The following MARCHF1 variants were observed in gnomAD, a reference collection of about 807,000 sequenced individuals.
MARCHF1 encodes the protein E3 ubiquitin-protein ligase MARCHF1.
Under a neutral mutation model 54.2 loss-of-function variants are expected in MARCHF1, and 40 were observed. That is an observed-to-expected ratio of 0.74 (90% CI 0.57 to 0.96). The LOEUF is 0.96. Among genes scored for constraint, MARCHF1 ranks in the 40% least tolerant of loss-of-function variants. The pLI, the probability that MARCHF1 is intolerant of heterozygous loss-of-function variation, is 0.00. For synonymous variants in MARCHF1, 236 were observed against 236.3 expected (o/e 1.00, Z 0.01); for missense variants, 586 against 656.5 (o/e 0.89, Z 1.17).
At chr4:164,082,677 CA>C (rs60378434) in intron 2 of MARCHF1, among the ~76,000 whole-genome samples, 2 of 151,438 alleles carry the variant, frequency 1.3e-5, no homozygotes, top group African/African-American at 4.9e-5. Context: ...AGAGAAATGG[CA>C]AAAAAAAGTA....
intron 3 of MARCHF1, among the ~76,000 whole-genome samples, chr4:163,880,709 G>T (rs1750395921): frequency 6.6e-6 from 1 of 151,940 alleles, no homozygotes; most frequent in African/African-American, 2.4e-5. Flanking sequence ...GATATTAACA[G>T]CAGTAATTAA....
intron 5 of MARCHF1, among the ~76,000 whole-genome samples, chr4:163,653,257 C>G (rs7674068): frequency 0.35 from 53,475 of 151,534 alleles, 10,858 homozygotes; most frequent in African/African-American, 0.55. Flanking sequence ...GATATGATTG[C>G]AGCAGAGCAG....
intron 3 of MARCHF1, among the ~76,000 whole-genome samples, chr4:163,903,043 T>C (rs1750975638): frequency 6.6e-6 from 1 of 152,144 alleles, no homozygotes; most frequent in Non-Finnish European, 1.5e-5. Flanking sequence ...CCTCCATTTC[T>C]AAAATCATTC....
chr4:163,704,655 A>C (rs1223260403), intron 4 of MARCHF1, among the ~76,000 whole-genome samples: 2 of 151,730 alleles, frequency 1.3e-5, no homozygotes, highest in African/African-American at 4.8e-5. Flanking sequence ...ACTTGGTCCA[A>C]AGGAATGAAA....
intron 7 of MARCHF1, among the ~76,000 whole-genome samples, chr4:163,602,500 T>A (rs1406717438): frequency 6.6e-6 from 1 of 152,122 alleles, no homozygotes; most frequent in African/African-American, 2.4e-5. Context: ...TGACTGTATG[T>A]TGAGTAGTCC....
At chr4:164,096,375 T>C (rs902767309) in intron 2 of MARCHF1, among the ~76,000 whole-genome samples, 2 of 151,924 alleles carry the variant, frequency 1.3e-5, no homozygotes, top group African/African-American at 2.4e-5. Context: ...TGGGTTCCTG[T>C]GGACATAAAA....
At chr4:164,059,232 T>C (rs746057987) in intron 2 of MARCHF1, among the ~76,000 whole-genome samples, 1 of 152,208 alleles carries the variant, frequency 6.6e-6, no homozygotes, top group Non-Finnish European at 1.5e-5. Flanking sequence ...TATAGAGGCA[T>C]TGATTCAGTT....
chr4:164,346,604 GTATATATATATATATATATATATA>G (rs56936775), intron 1 of MARCHF1, among the ~76,000 whole-genome samples: 1,464 of 42,152 alleles, frequency 0.035, 27 homozygotes, highest in East Asian at 0.083. Context: ...ATGTATGTAT[GTATATATATATATATATATATATA>G]TATATATATA....
intron 1 of MARCHF1, among the ~76,000 whole-genome samples, chr4:164,278,942 C>G (rs1461480350): frequency 6.6e-6 from 1 of 152,086 alleles, no homozygotes; most frequent in Non-Finnish European, 1.5e-5. Context: ...TTACCAAAAT[C>G]TGTGCATGCC....
intron 1 of MARCHF1, among the ~76,000 whole-genome samples, chr4:164,121,887 TA>T (rs60180403): frequency 2.6e-5 from 4 of 151,350 alleles, no homozygotes; most frequent in East Asian, 1.9e-4. Context: ...AAAGACATAT[TA>T]AAAAAAATGA....
At chr4:163,580,507 A>G (rs1006611351) in intron 8 of MARCHF1, among the ~76,000 whole-genome samples, 21 of 152,214 alleles carry the variant, frequency 1.4e-4, no homozygotes, top group African/African-American at 5.1e-4. Flanking sequence ...TGCTCTGAGA[A>G]CAGAGAACAA....
chr4:163,528,541 C>T lies in MARCHF1; in HGVS notation c.*207G>A, dbSNP rs1450665794. On this transcript the variant is annotated 3_prime_UTR_variant, in exon 10 of 10. Transcript: ENST00000514618. ...GCAAACTTCACATTTCCATATCATACTTTACTTTACGCTATTACTTCATGG... is the reference window on the plus strand; with the variant it reads ...GCAAACTTCACATTTCCATATCATATTTTACTTTACGCTATTACTTCATGG... 2 of 529,592 alleles carry T rather than the reference C, an allele frequency of 3.8e-6. No homozygotes were observed. The highest frequency in any genetic ancestry group is 6.6e-6 in the Non-Finnish European group (2 of 302,226). The allele number at this position is 529,592 out of a possible 1,614,324, so 32.8% of individuals were successfully genotyped here. A position where few individuals can be genotyped will look rare whatever the true frequency, so the allele number is the denominator to read the frequency against.
intron 1 of MARCHF1, among the ~76,000 whole-genome samples, chr4:164,194,986 C>T (rs1731216047): frequency 6.6e-6 from 1 of 151,752 alleles, no homozygotes; most frequent in South Asian, 2.1e-4. Context: ...CCTGACAGGC[C>T]CCAGTGTGTG....
chr4:163,627,095 G>A (rs1741898518), intron 5 of MARCHF1, among the ~76,000 whole-genome samples: 2 of 152,138 alleles, frequency 1.3e-5, no homozygotes, highest in South Asian at 4.2e-4. Flanking sequence ...AAGATGACCT[G>A]GTCTAACCCT....
intron 2 of MARCHF1, among the ~76,000 whole-genome samples, chr4:164,025,117 A>T (rs533874103): frequency 1.4e-4 from 22 of 152,260 alleles, no homozygotes; most frequent in African/African-American, 5.1e-4. Flanking sequence ...TTGACCTATG[A>T]AAAGACTTAG....
chr4:163,967,225 G>A (rs1752459705), intron 3 of MARCHF1, among the ~76,000 whole-genome samples: 1 of 152,100 alleles, frequency 6.6e-6, no homozygotes, highest in Non-Finnish European at 1.5e-5. Flanking sequence ...CTTAAGCAGA[G>A]GAGTGATATT....
intron 1 of MARCHF1, among the ~76,000 whole-genome samples, chr4:164,252,607 T>C (rs144356907): frequency 6.6e-6 from 1 of 152,228 alleles, no homozygotes; most frequent in Non-Finnish European, 1.5e-5. Context: ...GAAAGACTAA[T>C]ACCATCAAAA....
intron 5 of MARCHF1, among the ~76,000 whole-genome samples, chr4:163,690,309 C>T (rs1744407892): frequency 6.6e-6 from 1 of 152,194 alleles, no homozygotes; most frequent in African/African-American, 2.4e-5. Context: ...TTCACAGTGT[C>T]AATAGAATGC....
chr4:164,186,374 T>C (rs1362311337), intron 1 of MARCHF1, among the ~76,000 whole-genome samples: 1 of 152,208 alleles, frequency 6.6e-6, no homozygotes, highest in Non-Finnish European at 1.5e-5. Flanking sequence ...TTGATATCAT[T>C]TAGCCATGCT....
Sources: gnomAD v4.1 joint callset for allele counts (sites outside exome capture counted in the v4.1 genomes callset) on GRCh38, gnomAD v4.1.1 for gene constraint, MANE v1.5 for transcripts, NCBI Gene and HGNC (gene_info 2026-07-23, HGNC 2026-07-21) for gene names.